DDX3X: variants seen among roughly 807,000 people sequenced by gnomAD.
DDX3X encodes DEAD-box helicase 3 X-linked, also known as ATP-dependent RNA helicase DDX3X.
A neutral mutation model predicts 52.7 loss-of-function variants in DDX3X; 4 were observed. That is an observed-to-expected ratio of 0.08 (90% CI 0.04 to 0.17). DDX3X has a LOEUF of 0.17. Among genes scored for constraint, DDX3X ranks in the 10% least tolerant of loss-of-function variants. The pLI, the probability that DDX3X is intolerant of heterozygous loss-of-function variation, is 1.00. For synonymous variants in DDX3X, 192 were observed against 178.1 expected (o/e 1.08, Z -0.62); for missense variants, 222 against 548.6 (o/e 0.40, Z 5.95).
At chrX:41,356,604 G>A (rs1236033673) in intron 5 of DDX3X, among the ~76,000 whole-genome samples, 3 of 107,678 alleles carry the variant, frequency 2.8e-5, no homozygotes, top group Non-Finnish European at 5.8e-5. Flanking sequence ...GACTACAGGC[G>A]CACACCACCA....
intron 13 of DDX3X, 41 bp downstream of exon 13, chrX:41,346,451 T>G: frequency 8.4e-7 from 1 of 1,197,429 alleles, no homozygotes; most frequent in Non-Finnish European, 1.1e-6. Context: ...TTGAGCATGT[T>G]CAAGTATTTG....
chrX:41,346,696 A>G (rs2063930058), intron 14 of DDX3X, 74 bp downstream of exon 14: 6 of 966,482 alleles, frequency 6.2e-6, no homozygotes, highest in Non-Finnish European at 8.6e-6. Context: ...GCTAGGATCT[A>G]AAATACATTT....
At chrX:41,357,131 A>G (rs1417456028) in intron 5 of DDX3X, among the ~76,000 whole-genome samples, 1 of 108,857 alleles carries the variant, frequency 9.2e-6, no homozygotes, top group Non-Finnish European at 1.9e-5. Context: ...ACAGGTTTTC[A>G]CCATGTTGGC....
At chrX:41,342,252 G>T in intron 4 of DDX3X, 2 of 316,334 alleles carry the variant, frequency 6.3e-6, no homozygotes, top group Non-Finnish European at 1.1e-5. Flanking sequence ...CTTAATTTTG[G>T]CATCTGTGAG....
chrX:41,334,949 CGCTG>C (rs1178530448), intron 1 of DDX3X: 3 of 204,893 alleles, frequency 1.5e-5, no homozygotes, highest in African/African-American at 9.5e-5. Context: ...GGGTTCCTTC[CGCTG>C]GCTTTTTCGC....
At chrX:41,343,426 A>G (rs983138452) in intron 7 of DDX3X, 75 bp downstream of exon 7, 1 of 990,345 alleles carries the variant, frequency 1.0e-6, no homozygotes, top group African/African-American at 2.0e-5. Flanking sequence ...TTTATTTTTT[A>G]TGGGTCATGC....
In DDX3X at chrX:41,346,989, T is replaced by C. The variant is rs905846373; in HGVS notation, c.1746T>C (p.Gly582=). The change falls in exon 15 of 17, where the codon GGT becomes GGC. Residue 582 remains glycine, a synonymous_variant. Coordinates refer to ENST00000644876, the MANE Select transcript of DDX3X (RefSeq NM_001356.5). ...ENMAYEHHYK[G]SSRGRSKSSR... ...TGGCTTATGAACACCACTACAAGGG[T>C]AGCAGTCGTGGACGTTCTAAGAGGT... 2 of 1,207,642 alleles carry C rather than the reference T, an allele frequency of 1.7e-6. No homozygotes were observed. The highest frequency in any genetic ancestry group is 2.2e-6 in the Non-Finnish European group (2 of 894,326).
chrX:41,334,463 TGG>T (rs2063725949), intron 1 of DDX3X, 166 bp downstream of exon 1: 26 of 1,102,861 alleles, frequency 2.4e-5, no homozygotes, highest in Admixed American at 1.3e-4. Context: ...GAATGTTGGT[TGG>T]GGCTGTCGCC....
downstream of DDX3X, chrX:41,350,629 A>G (rs181119788): frequency 8.1e-5 from 9 of 111,543 alleles, no homozygotes; most frequent in African/African-American, 2.6e-4. Flanking sequence ...GGAAGGAATC[A>G]AGACTATTTG....
intron 1 of DDX3X, 52 bp from the exon 2 acceptor site, chrX:41,337,356 C>T (rs2063785696): frequency 4.6e-6 from 5 of 1,095,781 alleles, no homozygotes; most frequent in Admixed American, 2.2e-5. Context: ...CTAGTTTTCT[C>T]TTAATGTAGT....
chrX:41,337,351 T>C, intron 1 of DDX3X, 57 bp from the exon 2 acceptor site: 1 of 1,069,643 alleles, frequency 9.3e-7, no homozygotes, highest in Non-Finnish European at 1.3e-6. Flanking sequence ...CAGGACTAGT[T>C]TTCTCTTAAT....
At chrX:41,341,967 C>A in intron 4 of DDX3X, 1 of 169,174 alleles carries the variant, frequency 5.9e-6, no homozygotes, top group Middle Eastern at 2.3e-3. Context: ...ACTGACCCCA[C>A]GTGCCTAATA....
chrX:41,354,860 TCTCA>T (rs1468544433), downstream of DDX3X, among the ~76,000 whole-genome samples: 1 of 110,288 alleles, frequency 9.1e-6, no homozygotes, highest in Non-Finnish European at 1.9e-5. Context: ...TGAGATGGAG[TCTCA>T]CTCTGTTGCC....
intron 15 of DDX3X, 146 bp downstream of exon 15, chrX:41,347,158 G>T (rs1173099277): frequency 1.1e-6 from 1 of 909,499 alleles, no homozygotes; most frequent in East Asian, 3.1e-5. Flanking sequence ...TTGGTAAGGG[G>T]TTGTATTAGA....
downstream of DDX3X, among the ~76,000 whole-genome samples, chrX:41,354,438 C>T (rs901948240): frequency 9.7e-6 from 1 of 103,177 alleles, no homozygotes; most frequent in African/African-American, 3.7e-5. Context: ...ATCCTCCCAC[C>T]TCAGCCTCCT....
At position 41,343,795 on chromosome X, in the gene DDX3X, T is replaced by C. The variant is rs1402597184; in HGVS notation, c.738T>C (p.Gly246=). 3 of 1,210,089 alleles carry C rather than the reference T, an allele frequency of 2.5e-6. No homozygotes were observed. Among genetic ancestry groups the C allele is most frequent in the African/African-American group, 3.5e-5 (2 of 57,800 alleles). Residue 246 remains glycine (G), a synonymous_variant, in exon 8 of 17, where the codon GGT becomes GGC. Coordinates refer to ENST00000644876, the MANE Select transcript of DDX3X (RefSeq NM_001356.5). ...LPILSQIYSD[G]PGEALRAMKE... ...TCTTGAGTCAGATTTATTCAGATGG[T>C]CCAGGCGAGGCTTTGAGGGCCATGA...
chrX:41,334,088 G>A, upstream of DDX3X: 1 of 476,202 alleles, frequency 2.1e-6, no homozygotes, highest in South Asian at 3.3e-5. Flanking sequence ...TGAGAGGGAG[G>A]GCACACGTTG....
Position 41,348,567 on chromosome X carries a change from T to G in DDX3X, c.*848T>G, listed in dbSNP as rs1313850389. The G allele has an allele frequency of 8.9e-6, 1 of 112,187 alleles. No homozygotes were observed. Among genetic ancestry groups the G allele is most frequent in the Non-Finnish European group, 1.9e-5 (1 of 53,181 alleles). 9.2% of individuals were successfully genotyped at this position (112,187 alleles called of 1,213,427 possible). A position where few individuals can be genotyped will look rare whatever the true frequency, so the allele number is the denominator to read the frequency against. On this transcript the variant is annotated 3_prime_UTR_variant, in exon 17 of 17. Coordinates refer to ENST00000644876, the MANE Select transcript of DDX3X (RefSeq NM_001356.5). ...TAAAGGTCTGATAACTTGAAATAGG[T>G]TTTTAGGAGAATTCATCTACTTAGA...
chrX:41,347,259 T>A, intron 15 of DDX3X, 53 bp from the exon 16 acceptor site: 1 of 1,144,504 alleles, frequency 8.7e-7, no homozygotes, highest in Non-Finnish European at 1.2e-6. Context: ...AGAGTTAGGT[T>A]ACTTTAGTGG....
Sources: allele counts gnomAD v4.1 joint callset (sites outside exome capture counted in the v4.1 genomes callset), GRCh38; gene constraint gnomAD v4.1.1; transcripts MANE v1.5; gene names NCBI Gene and HGNC (gene_info 2026-07-23, HGNC 2026-07-21).